The following FHOD3 variants were observed in gnomAD, a reference collection of about 807,000 sequenced individuals.
FHOD3 encodes formin homology 2 domain containing 3.
A neutral mutation model predicts 173.0 loss-of-function variants in FHOD3; 90 were observed. That is an observed-to-expected ratio of 0.52 (90% CI 0.44 to 0.62). The LOEUF (loss-of-function observed/expected upper bound fraction) is 0.62. Ranked by LOEUF, FHOD3 falls within the 20% of genes least tolerant of loss-of-function variation. The pLI is 0.00. For missense variants in FHOD3, 1,945 were observed against 2,034.7 expected (o/e 0.96, Z 0.85); for synonymous variants, 828 against 823.0 (o/e 1.01, Z -0.10).
intron 5 of FHOD3, among the ~76,000 whole-genome samples, chr18:36,562,040 G>A (rs2058105349): frequency 7.2e-6 from 1 of 138,080 alleles, no homozygotes; most frequent in Non-Finnish European, 1.6e-5. Flanking sequence ...TTTTTGAGAT[G>A]GAGTCTCACT....
chr18:36,522,041 G>T (rs545639224), intron 5 of FHOD3, among the ~76,000 whole-genome samples: 40 of 152,112 alleles, frequency 2.6e-4, no homozygotes, highest in Non-Finnish European at 5.1e-4. Context: ...GAGTATTTTG[G>T]CCCTCTATGC....
At chr18:36,742,122 C>T (rs2041930934) in intron 21 of FHOD3, among the ~76,000 whole-genome samples, 1 of 151,984 alleles carries the variant, frequency 6.6e-6, no homozygotes, top group Admixed American at 6.6e-5. Flanking sequence ...GGGAGAGCCT[C>T]AGTCAAGACA....
At chr18:36,671,486 G>T (rs1360994571) in intron 14 of FHOD3, among the ~76,000 whole-genome samples, 1 of 152,206 alleles carries the variant, frequency 6.6e-6, no homozygotes, top group Non-Finnish European at 1.5e-5. Context: ...CAAATGGACT[G>T]AAAATGGAAG....
chr18:36,745,656 T>C (rs1193430144), intron 23 of FHOD3, among the ~76,000 whole-genome samples: 2 of 152,016 alleles, frequency 1.3e-5, no homozygotes, highest in African/African-American at 4.8e-5. Context: ...GGCCCCTAAG[T>C]AGCAACGGCT....
At chr18:36,608,907 G>A (rs1599857378) in intron 8 of FHOD3, among the ~76,000 whole-genome samples, 1 of 152,310 alleles carries the variant, frequency 6.6e-6, no homozygotes, top group East Asian at 1.9e-4. Flanking sequence ...TTCACCTGTT[G>A]AAGGAGATTT....
chr18:36,632,124 A>C (rs545599153), intron 10 of FHOD3, among the ~76,000 whole-genome samples: 35 of 152,188 alleles, frequency 2.3e-4, no homozygotes, highest in Non-Finnish European at 4.6e-4. Context: ...GGACATTTAC[A>C]TTTTAAATAT....
intron 4 of FHOD3, among the ~76,000 whole-genome samples, chr18:36,506,392 A>T (rs2055299683): frequency 6.6e-6 from 1 of 152,254 alleles, no homozygotes; most frequent in African/African-American, 2.4e-5. Context: ...ACAGCTGTGC[A>T]TGCCTGGCAC....
intron 24 of FHOD3, among the ~76,000 whole-genome samples, chr18:36,748,497 G>T (rs78699724): frequency 0.038 from 5,722 of 152,012 alleles, 358 homozygotes; most frequent in African/African-American, 0.13. Context: ...TGTTGAGCTT[G>T]GTTATGTTAA....
At chr18:36,620,000 G>A (rs1209026361) in intron 9 of FHOD3, among the ~76,000 whole-genome samples, 1 of 152,162 alleles carries the variant, frequency 6.6e-6, no homozygotes, top group Non-Finnish European at 1.5e-5. Flanking sequence ...GATCCCATGA[G>A]GGCCTTCTCC....
chr18:36,642,304 T>C (rs1437096177), intron 10 of FHOD3, among the ~76,000 whole-genome samples: 2 of 152,116 alleles, frequency 1.3e-5, no homozygotes, highest in Non-Finnish European at 2.9e-5. Context: ...TTAAAAAAAT[T>C]GTTTCGTTAC....
intron 5 of FHOD3, among the ~76,000 whole-genome samples, chr18:36,568,282 G>A (rs986048554): frequency 4.7e-5 from 6 of 127,608 alleles, no homozygotes; most frequent in Non-Finnish European, 6.3e-5. Flanking sequence ...AGTTTGCAGC[G>A]AACTGAGATG....
chr18:36,519,162 G>T (rs2038395483), intron 5 of FHOD3, among the ~76,000 whole-genome samples: 1 of 152,216 alleles, frequency 6.6e-6, no homozygotes, highest in Non-Finnish European at 1.5e-5. Flanking sequence ...ACCTGCACTT[G>T]TGTCCTCCTC....
At chr18:36,609,485 T>C (rs546408257) in intron 8 of FHOD3, among the ~76,000 whole-genome samples, 22 of 152,146 alleles carry the variant, frequency 1.4e-4, no homozygotes, top group Non-Finnish European at 2.9e-4. Context: ...TAAAAGGTGA[T>C]AGTACGCAGG....
intron 10 of FHOD3, among the ~76,000 whole-genome samples, chr18:36,634,577 C>T (rs72895573): frequency 1.3e-3 from 192 of 152,154 alleles, no homozygotes; most frequent in Middle Eastern, 3.4e-3. Context: ...TGTTATATGA[C>T]GTTAATCTAC....
chr18:36,380,685 A>C (rs570429411), intron 3 of FHOD3, among the ~76,000 whole-genome samples: 1 of 145,224 alleles, frequency 6.9e-6, no homozygotes, highest in Non-Finnish European at 1.5e-5. Flanking sequence ...GGTCAGTTTA[A>C]TAACACTCTT....
intron 5 of FHOD3, among the ~76,000 whole-genome samples, chr18:36,546,489 C>A (rs960881892): frequency 2.6e-5 from 4 of 152,250 alleles, no homozygotes; most frequent in Admixed American, 2.0e-4. Context: ...ATCTTAGCGG[C>A]ATATTAATTT....
chr18:36,678,524 CAAAAAAAAAAAA>C (rs58064190), intron 14 of FHOD3, among the ~76,000 whole-genome samples: 2 of 71,154 alleles, frequency 2.8e-5, no homozygotes, highest in Admixed American at 1.8e-4. Context: ...GACCCTGTCT[CAAAAAAAAAAAA>C]AAAAAAAAAA....
At chr18:36,579,539 C>G (rs541556177) in intron 6 of FHOD3, among the ~76,000 whole-genome samples, 3 of 152,116 alleles carry the variant, frequency 2.0e-5, no homozygotes. Flanking sequence ...ACGTGATCCC[C>G]AATGCAACAG....
chr18:36,426,147 G>A (rs1221721969), intron 3 of FHOD3, among the ~76,000 whole-genome samples: 10 of 151,768 alleles, frequency 6.6e-5, no homozygotes, highest in Non-Finnish European at 1.3e-4. Context: ...CTTGTGATCC[G>A]CCCGCCTCAG....
Sources: allele counts gnomAD v4.1 joint callset (sites outside exome capture counted in the v4.1 genomes callset), GRCh38; gene constraint gnomAD v4.1.1; transcripts MANE v1.5; gene names NCBI Gene and HGNC (gene_info 2026-07-23, HGNC 2026-07-21).